Variants in DHDDS observed in about 807,000 individuals in gnomAD.
DHDDS encodes dehydrodolichyl diphosphate synthase subunit, also known as dehydrodolichyl diphosphate synthase complex subunit DHDDS.
In DHDDS, 16 loss-of-function variants were observed where a neutral mutation model predicts 46.2. The observed-to-expected ratio is 0.35, with a 90% confidence interval of 0.23 to 0.53. The LOEUF is 0.53. DHDDS is among the 20% of genes least tolerant of loss of function. The pLI, the probability that DHDDS is intolerant of heterozygous loss-of-function variation, is 0.94. For synonymous variants in DHDDS, 151 were observed against 163.1 expected, an observed-to-expected ratio of 0.93 and a Z score of 0.56; for missense variants, 340 against 423.7, an observed-to-expected ratio of 0.80 and a Z score of 1.73.
intron 2 of DHDDS, among the ~76,000 whole-genome samples, chr1:26,436,726 G>C (rs1027331467): frequency 3.9e-5 from 6 of 151,930 alleles, no homozygotes; most frequent in African/African-American, 1.5e-4. Context: ...CCTGGCCTGA[G>C]TAAGACCCTG....
At chr1:26,467,812 T>A (rs922784796) in intron 8 of DHDDS, among the ~76,000 whole-genome samples, 2 of 152,222 alleles carry the variant, frequency 1.3e-5, no homozygotes, top group Non-Finnish European at 2.9e-5. Flanking sequence ...GGAGCTCTAG[T>A]GCAAAGGCTT....
At position 26,464,165 on chromosome 1, in the gene DHDDS, G is replaced by A. The variant is rs540742291; in HGVS notation, c.765+4021G>A. ...GTGCCACCACGCACAACTAATTTTT[G>A]TATTTTTAGTAGAGACAGGGTTTCA... On this transcript the variant is annotated intron_variant, in intron 8 of 8. Transcript: ENST00000236342. Among the ~76,000 whole-genome samples the A allele has an allele frequency of 4.0e-4, 61 of 151,512 alleles. 1 individual carries two copies. The highest frequency in any genetic ancestry group is 7.2e-4 in the Non-Finnish European group (49 of 67,800).
intron 8 of DHDDS, 45 bp from the exon 9 acceptor site, chr1:26,468,850 C>T (rs1214841025): frequency 6.3e-6 from 10 of 1,597,644 alleles, no homozygotes; most frequent in Non-Finnish European, 8.5e-6. Flanking sequence ...TTCACCCACT[C>T]CTAAAAATGA....
At chr1:26,449,200 G>A (rs1001224609) in intron 6 of DHDDS, among the ~76,000 whole-genome samples, 6 of 152,038 alleles carry the variant, frequency 3.9e-5, no homozygotes, top group African/African-American at 1.5e-4. Flanking sequence ...CCAGGTTCCA[G>A]CAATTCTTCC....
At chr1:26,468,529 C>A (rs1330777029) in intron 8 of DHDDS, among the ~76,000 whole-genome samples, 1 of 152,194 alleles carries the variant, frequency 6.6e-6, no homozygotes, top group Non-Finnish European at 1.5e-5. Context: ...GCACAACCCC[C>A]ACTTTACAGA....
chr1:26,447,754 C>T (rs1183554433), intron 6 of DHDDS, 94 bp downstream of exon 6: 51 of 1,137,668 alleles, frequency 4.5e-5, no homozygotes, highest in Middle Eastern at 2.7e-4. Flanking sequence ...ATTAGGAGGC[C>T]GAGGTGGGCA....
At chr1:26,457,256 C>T (rs1217233366) in intron 6 of DHDDS, among the ~76,000 whole-genome samples, 3 of 149,002 alleles carry the variant, frequency 2.0e-5, no homozygotes, top group African/African-American at 7.5e-5. Context: ...GTCAGGAGAT[C>T]GAGTCCATCC....
intron 2 of DHDDS, among the ~76,000 whole-genome samples, chr1:26,434,079 T>C (rs1376427189): frequency 1.3e-5 from 2 of 152,196 alleles, no homozygotes; most frequent in Admixed American, 6.5e-5. Flanking sequence ...CTTTAACAAC[T>C]GTAGAATTAT....
At chr1:26,452,837 G>A (rs1190445489) in intron 6 of DHDDS, among the ~76,000 whole-genome samples, 1 of 152,120 alleles carries the variant, frequency 6.6e-6, no homozygotes, top group African/African-American at 2.4e-5. Flanking sequence ...GGTGACTTAT[G>A]CCTGTAATCC....
chr1:26,457,370 G>A (rs2075379989), intron 6 of DHDDS, among the ~76,000 whole-genome samples: 1 of 151,468 alleles, frequency 6.6e-6, no homozygotes, highest in Non-Finnish European at 1.5e-5. Context: ...CTACTCGGGA[G>A]GCTGAGGCAG....
At position 26,470,366 on chromosome 1, in the gene DHDDS, C is replaced by T. The variant is rs1481977274; in HGVS notation, c.*1235C>T. On this transcript the variant is annotated 3_prime_UTR_variant, in exon 9 of 9. Transcript: ENST00000236342. ...CATCTCACCCTGTCCTGGCTGGTCT[C>T]GAACTCCTGACCTCAGGTGATCCGC... 6.8e-6 allele frequency: 1 copy of T among 146,798 alleles called. No homozygotes were observed. Among genetic ancestry groups the T allele is most frequent in the Non-Finnish European group, 1.5e-5 (1 of 67,376 alleles). 9.1% of individuals were successfully genotyped at this position (146,798 alleles called of 1,614,324 possible).
intron 8 of DHDDS, 112 bp downstream of exon 8, chr1:26,460,256 G>A: frequency 1.2e-6 from 1 of 868,456 alleles, no homozygotes; most frequent in Non-Finnish European, 1.9e-6. Context: ...TGATGATAAT[G>A]ATGATAGTAG....
At chr1:26,445,841 G>T (rs944152432) in intron 4 of DHDDS, among the ~76,000 whole-genome samples, 41 of 150,546 alleles carry the variant, frequency 2.7e-4, no homozygotes, top group African/African-American at 9.3e-4. Flanking sequence ...TGGCCAACAT[G>T]GTGAAACCTC....
intron 7 of DHDDS, among the ~76,000 whole-genome samples, chr1:26,458,754 A>G (rs1049935045): frequency 6.6e-6 from 1 of 151,672 alleles, no homozygotes; most frequent in Non-Finnish European, 1.5e-5. Context: ...AAAAAAAAAA[A>G]AAGAAAAGAA....
In DHDDS at chr1:26,442,715, C is replaced by G; in HGVS notation, c.181-16C>G. 1 of 1,614,042 alleles carries G rather than the reference C, an allele frequency of 6.2e-7. No individual in the cohort carries two copies. The highest frequency in any genetic ancestry group is 8.5e-7 in the Non-Finnish European group (1 of 1,179,950). ...CTCTTCCTTGTATCCTAGCTCCTTG[C>G]CTTCTCCCCTCTCAGACTCTGCGGT... On this transcript the variant is annotated splice_polypyrimidine_tract_variant and intron_variant, in intron 3 of 8. Transcript: ENST00000236342.
intron 3 of DHDDS, 42 bp downstream of exon 3, chr1:26,438,326 G>A: frequency 6.4e-7 from 1 of 1,566,672 alleles, no homozygotes; most frequent in Non-Finnish European, 8.8e-7. Context: ...AGTCTGTGGA[G>A]AGGTAGATTA....
chr1:26,458,034 A>C, intron 7 of DHDDS, 129 bp downstream of exon 7: 1 of 770,450 alleles, frequency 1.3e-6, no homozygotes, highest in Non-Finnish European at 2.3e-6. Context: ...GAAAGCTAAA[A>C]TCTGGAGAAG....
Position 26,460,063 on chromosome 1 carries a change from A to C in DHDDS, c.684A>C (p.Gln228His). ...WQTSHSCLVF[Q>H]PVLWPEYTFW... ...CCTCTCACTCCTGCCTGGTGTTCCA[A>C]CCCGTTCTGTGGCCAGAGTATACAT... The change falls in exon 8 of 9, where the codon CAA becomes CAC. Residue 228 changes from glutamine (Q) to histidine (H), a missense_variant. Coordinates refer to ENST00000236342, the MANE Select transcript of DHDDS (RefSeq NM_205861.3). 1.2e-6 allele frequency: 2 copies of C among 1,613,958 alleles called. No homozygotes were observed. Among genetic ancestry groups the C allele is most frequent in the East Asian group, 4.5e-5 (2 of 44,884 alleles).
intron 3 of DHDDS, among the ~76,000 whole-genome samples, chr1:26,442,382 C>T (rs896100640): frequency 6.6e-6 from 1 of 152,172 alleles, no homozygotes; most frequent in Non-Finnish European, 1.5e-5. Context: ...GGTAAGGAGA[C>T]TTCAACCTAG....
Sources: allele counts gnomAD v4.1 joint callset (sites outside exome capture counted in the v4.1 genomes callset), GRCh38; gene constraint gnomAD v4.1.1; transcripts MANE v1.5; gene names NCBI Gene and HGNC (gene_info 2026-07-23, HGNC 2026-07-21).